ITPR2: variants seen among roughly 807,000 people sequenced by gnomAD.
The protein encoded by ITPR2 is inositol 1,4,5-trisphosphate-gated calcium channel ITPR2.
ITPR2 carries 207 observed loss-of-function variants against 317.1 expected under a neutral mutation model. That is an observed-to-expected ratio of 0.65 (90% CI 0.58 to 0.73). The LOEUF (loss-of-function observed/expected upper bound fraction) is 0.73. Ranked by LOEUF, ITPR2 falls within the 30% of genes least tolerant of loss-of-function variation. The pLI is 0.00. For missense variants in ITPR2, 2,613 were observed against 3,284.0 expected, an observed-to-expected ratio of 0.80 and a Z score of 4.99; for synonymous variants, 1,156 against 1,149.1, an observed-to-expected ratio of 1.01 and a Z score of -0.12.
In ITPR2 at chr12:26,344,558, C is replaced by T. The variant is rs552819309; in HGVS notation, c.7858-4230G>A. Among the ~76,000 whole-genome samples, 19 of 152,334 alleles carry T rather than the reference C, an allele frequency of 1.2e-4. No individual in the cohort carries two copies. In the South Asian group the frequency reaches 2.7e-3, roughly 22 times the overall value. On this transcript the variant is annotated intron_variant, in intron 55 of 56. Coordinates refer to ENST00000381340, the MANE Select transcript of ITPR2 (RefSeq NM_002223.4). Reference sequence around the variant, plus strand: ...CAAGCATCTCAGGGGCCAGGATCAGCCAAGTCCATGGCCTCTTGCTTTTGA... The same window carrying T: ...CAAGCATCTCAGGGGCCAGGATCAGTCAAGTCCATGGCCTCTTGCTTTTGA...
chr12:26,538,822 G>C (rs1944176725), intron 37 of ITPR2, among the ~76,000 whole-genome samples: 1 of 152,088 alleles, frequency 6.6e-6, no homozygotes. Flanking sequence ...TGATCCGCCT[G>C]CCTCCACCTC....
chr12:26,548,586 G>C lies in ITPR2; in HGVS notation c.5073+1661C>G, dbSNP rs528637567. 1.1e-3 allele frequency among the ~76,000 whole-genome samples: 160 copies of C among 152,196 alleles called. 1 individual carries two copies. Among genetic ancestry groups the C allele is most frequent in the Non-Finnish European group, 1.6e-3 (111 of 68,036 alleles). On this transcript the variant is annotated intron_variant, in intron 37 of 56. Transcript: ENST00000381340. The stretch of plus-strand genomic sequence containing the variant: ...ATTTAATAGTTTGCTGACAACATAT[G>C]TGTTGGGTGACTGAATGAAGAACTT...
intron 55 of ITPR2, among the ~76,000 whole-genome samples, chr12:26,349,989 T>A (rs1191490550): frequency 6.6e-6 from 1 of 152,184 alleles, no homozygotes; most frequent in African/African-American, 2.4e-5. Context: ...GCTGATTCTA[T>A]AACCCCTGGC....
chr12:26,517,409 A>G (rs530906592), intron 37 of ITPR2, among the ~76,000 whole-genome samples: 1 of 152,344 alleles, frequency 6.6e-6, no homozygotes, highest in East Asian at 1.9e-4. Context: ...ACACTTCTCA[A>G]AAGAACACAT....
At chr12:26,518,646 A>G (rs549065678) in intron 37 of ITPR2, among the ~76,000 whole-genome samples, 1 of 152,218 alleles carries the variant, frequency 6.6e-6, no homozygotes, top group Non-Finnish European at 1.5e-5. Flanking sequence ...AATAAAAAAT[A>G]GCAAAATTTT....
intron 26 of ITPR2, among the ~76,000 whole-genome samples, chr12:26,616,103 T>C (rs1946366447): frequency 6.7e-6 from 1 of 148,788 alleles, no homozygotes; most frequent in African/African-American, 2.5e-5. Flanking sequence ...ATTTTGCCTA[T>C]GCATGTGGAA....
At chr12:26,662,201 T>C (rs1489830863) in intron 15 of ITPR2, among the ~76,000 whole-genome samples, 1 of 152,178 alleles carries the variant, frequency 6.6e-6, no homozygotes, top group African/African-American at 2.4e-5. Context: ...CAAATCTTTT[T>C]TTCTTCCCCA....
chr12:26,568,019 T>TATATATTATATATATTATATATATA (rs1945057259), intron 34 of ITPR2, among the ~76,000 whole-genome samples: 7 of 126,342 alleles, frequency 5.5e-5, no homozygotes, highest in Non-Finnish European at 1.1e-4. Context: ...TATATATATA[T>TATATATTATATATATTATATATATA]ATATATATAT....
chr12:26,562,089 T>A, intron 34 of ITPR2, 137 bp from the exon 35 acceptor site: 3 of 580,518 alleles, frequency 5.2e-6, no homozygotes, highest in Non-Finnish European at 8.1e-6. Context: ...TATATAACTG[T>A]AAAAGCTTCT....
intron 45 of ITPR2, among the ~76,000 whole-genome samples, chr12:26,448,224 T>C (rs1460531959): frequency 6.6e-6 from 1 of 152,050 alleles, no homozygotes. Context: ...ACTTTACTAT[T>C]GACAAAGATG....
At chr12:26,451,341 A>T (rs1277619650) in intron 45 of ITPR2, among the ~76,000 whole-genome samples, 6 of 148,120 alleles carry the variant, frequency 4.1e-5, no homozygotes, top group Non-Finnish European at 3.0e-5. Context: ...AAATCATGAG[A>T]TCTCAAGACA....
intron 35 of ITPR2, among the ~76,000 whole-genome samples, chr12:26,558,865 A>C (rs1944736005): frequency 6.6e-6 from 1 of 152,196 alleles, no homozygotes; most frequent in South Asian, 2.1e-4. Context: ...TCTCAACTTT[A>C]AAATTCCCCA....
At chr12:26,709,217 C>T (rs1948605789) in intron 9 of ITPR2, among the ~76,000 whole-genome samples, 2 of 152,210 alleles carry the variant, frequency 1.3e-5, no homozygotes, top group Non-Finnish European at 2.9e-5. Context: ...CATTCTGTTA[C>T]ACTAGTTAAA....
At chr12:26,508,483 T>C (rs1011719754) in intron 37 of ITPR2, among the ~76,000 whole-genome samples, 4 of 152,176 alleles carry the variant, frequency 2.6e-5, no homozygotes, top group Non-Finnish European at 5.9e-5. Flanking sequence ...AATTCACTAC[T>C]GTAAATTTTG....
intron 2 of ITPR2, among the ~76,000 whole-genome samples, chr12:26,776,001 A>G (rs974460944): frequency 1.5e-4 from 21 of 144,010 alleles, no homozygotes; most frequent in African/African-American, 4.9e-4. Flanking sequence ...ACTAATACAG[A>G]TTTTGGTACC....
chr12:26,815,364 A>G (rs1272268246), intron 1 of ITPR2, among the ~76,000 whole-genome samples: 2 of 152,216 alleles, frequency 1.3e-5, no homozygotes, highest in Non-Finnish European at 2.9e-5. Context: ...AAGGGATAGT[A>G]GCACCAGCTG....
intron 2 of ITPR2, among the ~76,000 whole-genome samples, chr12:26,762,750 G>GT (rs1356265427): frequency 6.6e-6 from 1 of 152,016 alleles, no homozygotes; most frequent in Non-Finnish European, 1.5e-5. Context: ...AAAAATAAGT[G>GT]TAGCTATAAT....
intron 13 of ITPR2, among the ~76,000 whole-genome samples, chr12:26,672,535 G>C (rs1004341478): frequency 1.3e-5 from 2 of 150,010 alleles, no homozygotes; most frequent in Non-Finnish European, 3.0e-5. Flanking sequence ...AGAATCTCTG[G>C]GACACATTCA....
intron 9 of ITPR2, among the ~76,000 whole-genome samples, chr12:26,703,406 A>G (rs112888830): frequency 2.6e-5 from 4 of 152,214 alleles, no homozygotes; most frequent in African/African-American, 9.6e-5. Flanking sequence ...CCTAGTAGGC[A>G]TTCAATAAAT....
Sources: gnomAD v4.1 joint callset for allele counts (sites outside exome capture counted in the v4.1 genomes callset) on GRCh38, gnomAD v4.1.1 for gene constraint, MANE v1.5 for transcripts, NCBI Gene and HGNC (gene_info 2026-07-23, HGNC 2026-07-21) for gene names.